SLC15A4: variants seen among roughly 807,000 people sequenced by gnomAD.
SLC15A4 encodes solute carrier family 15 member 4.
In SLC15A4, 26 loss-of-function variants were observed where a neutral mutation model predicts 46.1. The ratio of observed to expected loss-of-function variants is 0.56; its 90% CI spans 0.41 to 0.78. SLC15A4 has a LOEUF of 0.78. Among genes scored for constraint, SLC15A4 ranks in the 30% least tolerant of loss-of-function variants. The probability of loss-of-function intolerance (pLI) is 0.00; values close to 1 mark genes in which losing one functional copy is unlikely to be tolerated. For missense variants in SLC15A4, 751 were observed against 755.7 expected, an observed-to-expected ratio of 0.99 and a Z score of 0.07; for synonymous variants, 370 against 333.4, an observed-to-expected ratio of 1.11 and a Z score of -1.20.
intron 6 of SLC15A4, among the ~76,000 whole-genome samples, chr12:128,800,632 AC>A (rs1212290906): frequency 6.6e-6 from 1 of 152,188 alleles, no homozygotes; most frequent in Non-Finnish European, 1.5e-5. Context: ...TAGTTAACAA[AC>A]TTTCATGAAA....
rs201305406 is a variant in SLC15A4, at chr12:128,794,338, T to C, written c.1592A>G (p.Tyr531Cys). The change falls in exon 8 of 8, where the codon TAT becomes TGT. Residue 531 changes from tyrosine (Y) to cysteine (C), a missense_variant. Physicochemically the swap from Tyr to Cys is radical, Grantham distance 194. Transcript: ENST00000266771. ...HTDFGNINGCYLNYYFFLLAA... is the reference protein window; with the variant it reads ...HTDFGNINGCCLNYYFFLLAA... ...CAGAAGAAAAAAGTAATAGTTCAAA[T>C]AGCAGCCGTTAATATTACCTGGAGA... The C allele has an allele frequency of 5.0e-6, 8 of 1,612,022 alleles. No individual in the cohort carries two copies. The East Asian group carries it at 1.8e-4, about 36-fold the overall frequency.
chr12:128,812,803 T>C (rs1016041973), intron 2 of SLC15A4, among the ~76,000 whole-genome samples: 5 of 152,178 alleles, frequency 3.3e-5, no homozygotes, highest in African/African-American at 1.2e-4. Context: ...ATCAGTAACC[T>C]GCCCAAGGTT....
intron 2 of SLC15A4, among the ~76,000 whole-genome samples, chr12:128,810,776 C>T (rs760519322): frequency 2.0e-5 from 3 of 152,022 alleles, no homozygotes; most frequent in Non-Finnish European, 4.4e-5. Context: ...CCCAGTGCAC[C>T]GCGTCCCATG....
At chr12:128,804,567 T>G (rs11059918) in intron 5 of SLC15A4, among the ~76,000 whole-genome samples, 3 of 151,868 alleles carry the variant, frequency 2.0e-5, no homozygotes, top group Non-Finnish European at 2.9e-5. Flanking sequence ...CCGTCTCTAC[T>G]AAAAATACAA....
At chr12:128,818,575 G>T (rs1490479475) in intron 1 of SLC15A4, among the ~76,000 whole-genome samples, 1 of 152,188 alleles carries the variant, frequency 6.6e-6, no homozygotes, top group Non-Finnish European at 1.5e-5. Flanking sequence ...CTGGTCACGG[G>T]CAAGCACCCT....
chr12:128,814,843 G>C lies in SLC15A4; in HGVS notation c.774C>G (p.Thr258=), dbSNP rs536892230. Residue 258 remains threonine, a synonymous_variant, in exon 2 of 8, where the codon ACC becomes ACG. Transcript: ENST00000266771. ...AATACGTCAGTATCTTGAACATGTC[G>C]GTGAAGGCACTGCCATCAGGAGGCT... ...ITKPPDGSAF[T]DMFKILTYSC... The C allele has an allele frequency of 1.2e-6, 2 of 1,614,190 alleles. No individual in the cohort carries two copies. The highest frequency in any genetic ancestry group is 1.7e-6 in the Non-Finnish European group (2 of 1,180,036).
intron 2 of SLC15A4, 41 bp downstream of exon 2, chr12:128,814,734 A>C: frequency 6.3e-7 from 1 of 1,596,410 alleles, no homozygotes; most frequent in East Asian, 2.2e-5. Flanking sequence ...GAGATCGATA[A>C]AGTCCTTTCA....
chr12:128,795,521 G>A (rs7135968), intron 7 of SLC15A4, among the ~76,000 whole-genome samples: 78,895 of 151,990 alleles, frequency 0.52, 21,373 homozygotes, highest in Non-Finnish European at 0.61. Flanking sequence ...TGGGGAAAGC[G>A]CCGAGGAGCA....
chr12:128,821,712 C>T (rs989444701), intron 1 of SLC15A4, among the ~76,000 whole-genome samples: 1 of 151,926 alleles, frequency 6.6e-6, no homozygotes, highest in Non-Finnish European at 1.5e-5. Context: ...ACGGTGAAAC[C>T]CCGTCTCTAC....
At chr12:128,804,219 A>G (rs540866057) in intron 5 of SLC15A4, among the ~76,000 whole-genome samples, 1 of 152,388 alleles carries the variant, frequency 6.6e-6, no homozygotes. Context: ...CATCATTAAC[A>G]AAAGTATAAA....
Position 128,823,404 on chromosome 12 carries a change from G to C in SLC15A4, c.540C>G (p.Ala180=), listed in dbSNP as rs941861793. ...TVKANITPFG[A]DQVKDRGPEA... ...GCGCGGGGGCGCGGCTCACCTGGTC[G>C]GCGCCGAAGGGCGTGATGTTGGCCT... Residue 180 remains alanine, a synonymous_variant, in exon 1 of 8, where the codon GCC becomes GCG. Coordinates refer to ENST00000266771, the MANE Select transcript of SLC15A4 (RefSeq NM_145648.4). 31 of 1,433,568 alleles carry C rather than the reference G, an allele frequency of 2.2e-5. No homozygotes were observed. The African/African-American group carries it at 3.0e-4, about 14-fold the overall frequency. The allele number at this position is 1,433,568 out of a possible 1,614,324, so 88.8% of individuals were successfully genotyped here.
At chr12:128,805,124 G>A (rs1018446318) in intron 5 of SLC15A4, among the ~76,000 whole-genome samples, 2 of 152,072 alleles carry the variant, frequency 1.3e-5, no homozygotes, top group Non-Finnish European at 2.9e-5. Flanking sequence ...GGCAGCCGGG[G>A]GGAGATGCAA....
At chr12:128,805,348 C>T (rs1955571803) in intron 5 of SLC15A4, among the ~76,000 whole-genome samples, 2 of 152,032 alleles carry the variant, frequency 1.3e-5, no homozygotes, top group South Asian at 4.1e-4. Flanking sequence ...GAAAAAGAAA[C>T]TATATTATTT....
intron 5 of SLC15A4, among the ~76,000 whole-genome samples, chr12:128,804,653 C>T (rs987254897): frequency 6.6e-6 from 1 of 152,188 alleles, no homozygotes; most frequent in East Asian, 1.9e-4. Flanking sequence ...TCGCTTGAAC[C>T]AGGGAGGCGG....
intron 2 of SLC15A4, among the ~76,000 whole-genome samples, chr12:128,812,469 G>A (rs1260053519): frequency 1.3e-5 from 2 of 152,060 alleles, no homozygotes; most frequent in Admixed American, 6.6e-5. Context: ...ACAGGCACCC[G>A]CCACCACGCC....
At chr12:128,805,087 T>C (rs11059920) in intron 5 of SLC15A4, among the ~76,000 whole-genome samples, 9,851 of 152,104 alleles carry the variant, frequency 0.065, 348 homozygotes, top group East Asian at 0.12. Context: ...AATACAATAA[T>C]ATAAATAAAA....
intron 7 of SLC15A4, among the ~76,000 whole-genome samples, chr12:128,795,291 C>A (rs757322630): frequency 2.6e-5 from 4 of 152,164 alleles, no homozygotes; most frequent in Non-Finnish European, 5.9e-5. Context: ...CATCCTCAAA[C>A]TGACACAAGC....
At chr12:128,811,558 A>T (rs11059928) in intron 2 of SLC15A4, among the ~76,000 whole-genome samples, 14,491 of 152,316 alleles carry the variant, frequency 0.095, 942 homozygotes, top group Admixed American at 0.2. Flanking sequence ...GGGGGAAAAT[A>T]ATCAAAAACA....
chr12:128,800,359 C>A (rs1282425707), intron 6 of SLC15A4, among the ~76,000 whole-genome samples: 2 of 152,208 alleles, frequency 1.3e-5, no homozygotes, highest in Non-Finnish European at 2.9e-5. Context: ...CACTCATCTT[C>A]TCTTCTCTCT....
Sources: allele counts gnomAD v4.1 joint callset (sites outside exome capture counted in the v4.1 genomes callset), GRCh38; gene constraint gnomAD v4.1.1; transcripts MANE v1.5; gene names NCBI Gene and HGNC (gene_info 2026-07-23, HGNC 2026-07-21).